Variants in CAND1 observed in about 807,000 individuals in gnomAD.
CAND1 encodes cullin-associated NEDD8-dissociated protein 1.
CAND1 carries 7 observed loss-of-function variants against 108.5 expected under a neutral mutation model. That is an observed-to-expected ratio of 0.06 (90% CI 0.04 to 0.12). The LOEUF is 0.12. CAND1 is among the 10% of genes least tolerant of loss of function. CAND1 has a pLI of 1.00. For missense variants in CAND1, 941 were observed against 1,448.7 expected, an observed-to-expected ratio of 0.65 and a Z score of 5.69; for synonymous variants, 534 against 512.0, an observed-to-expected ratio of 1.04 and a Z score of -0.58.
At position 67,304,613 on chromosome 12, in the gene CAND1, C is replaced by G; in HGVS notation, c.1302C>G (p.Asn434Lys). 1 of 1,613,332 alleles carries G rather than the reference C, an allele frequency of 6.2e-7. No individual in the cohort carries two copies. The highest frequency in any genetic ancestry group is 8.5e-7 in the Non-Finnish European group (1 of 1,179,770). The change falls in exon 9 of 15, where the codon AAC (asparagine) becomes AAG (lysine). Residue 434 changes from asparagine to lysine, a missense_variant. Coordinates refer to ENST00000545606, the MANE Select transcript of CAND1 (RefSeq NM_018448.5). ...PLTMLQSQVPNIVKALHKQMK... is the reference protein window; with the variant it reads ...PLTMLQSQVPKIVKALHKQMK... The stretch of plus-strand genomic sequence containing the variant: ...CTATATGATAATTGCAGGTTCCCAA[C>G]ATTGTTAAAGCTCTTCACAAACAGA...
rs888352826 is a variant in CAND1, at chr12:67,319,375, ATGACT to A, written c.*6552_*6556del. The A allele has an allele frequency of 3.3e-5, 5 of 152,190 alleles. No individual in the cohort carries two copies. The highest frequency in any genetic ancestry group is 1.2e-4 in the African/African-American group (5 of 41,436). The allele number at this position is 152,190 out of a possible 1,614,324, so 9.4% of individuals were successfully genotyped here. On this transcript the variant is annotated 3_prime_UTR_variant, in exon 15 of 15. Coordinates refer to ENST00000545606, the MANE Select transcript of CAND1 (RefSeq NM_018448.5). ...GGTCAAGTTATGCCTTTTGCCTGGA[ATGACT>A]TGACTTCTCTTTTGTTTTACTTAGC...
rs775625 is a variant in CAND1 at position 67,270,350 on chromosome 12, G to T, written c.68+565G>T. 6.7e-3 allele frequency: 1,029 copies of T among 152,562 alleles called. 7 individuals are homozygous for T. Among genetic ancestry groups the T allele is most frequent in the African/African-American group, 0.024 (979 of 41,592 alleles). 9.5% of individuals were successfully genotyped at this position (152,562 alleles called of 1,614,324 possible). ...GTTCTTTTGTGGATTATTAATTTTC[G>T]TGAAGGTGGGAAGAAGGGGGAGGGG... On this transcript the variant is annotated intron_variant, in intron 1 of 14. Transcript: ENST00000545606.
At chr12:67,292,914 A>T in intron 3 of CAND1, 138 bp downstream of exon 3, 1 of 714,406 alleles carries the variant, frequency 1.4e-6, no homozygotes, top group East Asian at 2.7e-5. Flanking sequence ...TGGACAATTA[A>T]GAAAATTAAA....
At chr12:67,304,465 A>C in intron 8 of CAND1, 140 bp from the exon 9 acceptor site, 1 of 768,960 alleles carries the variant, frequency 1.3e-6, no homozygotes, top group Non-Finnish European at 2.1e-6. Flanking sequence ...TTGTGTTAGC[A>C]ATAGCAATAG....
chr12:67,306,454 T>G lies in CAND1; in HGVS notation c.2786T>G (p.Val929Gly). The G allele has an allele frequency of 1.2e-6, 2 of 1,614,078 alleles. No individual in the cohort carries two copies. Among genetic ancestry groups the G allele is most frequent in the South Asian group, 1.1e-5 (1 of 91,076 alleles). ...SASVVGLKPY[V>G]ENIWALLLKH... is the part of the protein sequence containing the mutation. ...TCAGTGGTGGGCCTTAAACCATATGTTGAAAACATCTGGGCCTTATTACTA... is the reference window on the plus strand; with the variant it reads ...TCAGTGGTGGGCCTTAAACCATATGGTGAAAACATCTGGGCCTTATTACTA... Residue 929 changes from valine (V) to glycine (G), a missense_variant, in exon 10 of 15, where the codon GTT (valine) becomes GGT (glycine). Physicochemically the swap from Val to Gly is moderately radical, Grantham distance 109. Transcript: ENST00000545606.
At chr12:67,309,720 C>T (rs1030130287) in intron 11 of CAND1, among the ~76,000 whole-genome samples, 181 bp from the exon 12 acceptor site, 2 of 151,936 alleles carry the variant, frequency 1.3e-5, no homozygotes, top group Non-Finnish European at 2.9e-5. Flanking sequence ...ATGATAGTTG[C>T]GTTGCTGCTG....
intron 2 of CAND1, among the ~76,000 whole-genome samples, chr12:67,292,399 CATG>C (rs1197588120): frequency 8.5e-5 from 13 of 152,168 alleles, no homozygotes; most frequent in African/African-American, 3.1e-4. Context: ...GCTTCAGTTT[CATG>C]ATACTAGGAT....
chr12:67,279,548 A>G (rs2044601093), intron 1 of CAND1, among the ~76,000 whole-genome samples: 1 of 152,188 alleles, frequency 6.6e-6, no homozygotes, highest in Non-Finnish European at 1.5e-5. Flanking sequence ...TCTGCTTTTT[A>G]AAAATATCTA....
In CAND1 at chr12:67,316,527, A is replaced by G. The variant is rs2045009010; in HGVS notation, c.*3697A>G. ...ACTTAGAAAGTTAGCTCTGAATCCA[A>G]AAACTACTGAAGTGAGTAATGCATA... On this transcript the variant is annotated 3_prime_UTR_variant, in exon 15 of 15. Transcript: ENST00000545606. 1 of 152,192 alleles carries G rather than the reference A, an allele frequency of 6.6e-6. No homozygotes were observed. The highest frequency in any genetic ancestry group is 1.9e-4 in the East Asian group (1 of 5,198). 9.4% of individuals were successfully genotyped at this position (152,192 alleles called of 1,614,324 possible).
In CAND1 at chr12:67,284,957, G is replaced by A. The variant is rs556522496; in HGVS notation, c.212+2904G>A. 1.2e-4 allele frequency among the ~76,000 whole-genome samples: 18 copies of A among 152,274 alleles called. No homozygotes were observed. The East Asian group carries it at 3.3e-3, about 28-fold the overall frequency. The stretch of plus-strand genomic sequence containing the variant: ...AAGTTAGAGGCATAAGAATTGAAAA[G>A]TTTATGTGGGAGAAACAAGTCAATT... On this transcript the variant is annotated intron_variant, in intron 2 of 14. Coordinates refer to ENST00000545606, the MANE Select transcript of CAND1 (RefSeq NM_018448.5).
intron 3 of CAND1, among the ~76,000 whole-genome samples, chr12:67,293,519 C>T (rs1471039674): frequency 6.6e-6 from 1 of 151,988 alleles, no homozygotes. Flanking sequence ...TTTGGGAGGC[C>T]AAGGCAGGTG....
Position 67,280,975 on chromosome 12 carries a change from C to A in CAND1, c.69-935C>A, listed in dbSNP as rs1335608524. Among the ~76,000 whole-genome samples, 4 of 152,058 alleles carry A rather than the reference C, an allele frequency of 2.6e-5. No homozygotes were observed. In the East Asian group the frequency reaches 7.7e-4, roughly 29 times the overall value. ...AAGCCTGGTGGCTGGGCACAGTGGC[C>A]CCTGCTTGTAATCCCAACACTGTGG... is the stretch of plus-strand genomic sequence containing the variant. On this transcript the variant is annotated intron_variant, in intron 1 of 14. Coordinates refer to ENST00000545606, the MANE Select transcript of CAND1 (RefSeq NM_018448.5).
intron 3 of CAND1, among the ~76,000 whole-genome samples, chr12:67,294,476 T>G (rs1180016644): frequency 1.3e-5 from 2 of 152,206 alleles, no homozygotes; most frequent in Non-Finnish European, 2.9e-5. Context: ...GCTAGTCTAC[T>G]AGAAAAGACT....
chr12:67,286,916 T>G (rs984832648), intron 2 of CAND1, among the ~76,000 whole-genome samples: 1 of 152,222 alleles, frequency 6.6e-6, no homozygotes, highest in African/African-American at 2.4e-5. Context: ...AGACCTTCCT[T>G]CCCTTCTGAA....
chr12:67,306,663 T>A (rs2044889685), intron 10 of CAND1, 66 bp downstream of exon 10: 4 of 1,226,638 alleles, frequency 3.3e-6, no homozygotes, highest in Admixed American at 4.7e-5. Context: ...AAAAGACACC[T>A]AATAAAGAAG....
chr12:67,289,708 G>A (rs2044705124), intron 2 of CAND1, among the ~76,000 whole-genome samples: 1 of 152,076 alleles, frequency 6.6e-6, no homozygotes, highest in Non-Finnish European at 1.5e-5. Context: ...TTCATTTTTT[G>A]AGTTCCTTTT....
chr12:67,294,560 C>T lies in CAND1; in HGVS notation c.368-473C>T, dbSNP rs1392588. On this transcript the variant is annotated intron_variant, in intron 3 of 14. Transcript: ENST00000545606. ...TCTACAGCTACTACTGGCTCCATAGCTAGCATTCATACCAATGCATACAGA... is the reference window on the plus strand; with the variant it reads ...TCTACAGCTACTACTGGCTCCATAGTTAGCATTCATACCAATGCATACAGA... Among the ~76,000 whole-genome samples the T allele has an allele frequency of 6.7e-3, 1,027 of 152,260 alleles. 7 individuals are homozygous for T. Among genetic ancestry groups the T allele is most frequent in the African/African-American group, 0.024 (978 of 41,548 alleles).
chr12:67,298,146 A>G (rs1319805505), intron 6 of CAND1, among the ~76,000 whole-genome samples: 1 of 152,214 alleles, frequency 6.6e-6, no homozygotes, highest in Non-Finnish European at 1.5e-5. Flanking sequence ...TGTAGTCTGT[A>G]CTGAAAGCCC....
chr12:67,308,840 G>A (rs143233221), intron 11 of CAND1, among the ~76,000 whole-genome samples: 275 of 151,696 alleles, frequency 1.8e-3, no homozygotes, highest in African/African-American at 6.5e-3. Flanking sequence ...AATCAGTGCT[G>A]GAACTTTCTT....
Sources: gnomAD v4.1 joint callset for allele counts (sites outside exome capture counted in the v4.1 genomes callset) on GRCh38, gnomAD v4.1.1 for gene constraint, MANE v1.5 for transcripts, NCBI Gene and HGNC (gene_info 2026-07-23, HGNC 2026-07-21) for gene names.